The following LHX4 variants were observed in gnomAD, a reference collection of about 807,000 sequenced individuals.
LHX4 encodes the protein LIM/homeobox protein Lhx4.
A neutral mutation model predicts 39.2 loss-of-function variants in LHX4; 16 were observed. The ratio of observed to expected loss-of-function variants is 0.41; its 90% CI spans 0.28 to 0.62. The LOEUF (loss-of-function observed/expected upper bound fraction) is 0.62. Among genes scored for constraint, LHX4 ranks in the 20% least tolerant of loss-of-function variants. The probability of loss-of-function intolerance (pLI) is 0.33; values close to 1 mark genes in which losing one functional copy is unlikely to be tolerated. For missense variants in LHX4, 439 were observed against 511.9 expected (o/e 0.86, Z 1.37); for synonymous variants, 206 against 198.1 (o/e 1.04, Z -0.33).
chr1:180,234,216 TATATA>T lies in LHX4; in HGVS notation c.76+3615_76+3619del, dbSNP rs1664258271. Among the ~76,000 whole-genome samples the T allele has an allele frequency of 1.3e-5, 1 of 74,268 alleles. No individual in the cohort carries two copies. Among genetic ancestry groups the T allele is most frequent in the Non-Finnish European group, 2.5e-5 (1 of 40,750 alleles). The allele number at this position is 74,268 out of a possible 152,430, so 48.7% of individuals were successfully genotyped here. A position where few individuals can be genotyped will look rare whatever the true frequency, so the allele number is the denominator to read the frequency against. ...ATATATATATATATATATATATATATATATAATAGATTGAGATTCTATCATATTCC... is the reference window on the plus strand; with the variant it reads ...ATATATATATATATATATATATATATATAGATTGAGATTCTATCATATTCC... On this transcript the variant is annotated intron_variant, in intron 1 of 5. Transcript: ENST00000263726. This position sits in a 1 kb window ranked among gnomAD's most constrained non-coding sequence, Gnocchi z 4.8.
At chr1:180,251,106 C>T (rs1235568185) in intron 2 of LHX4, among the ~76,000 whole-genome samples, 1 of 152,244 alleles carries the variant, frequency 6.6e-6, no homozygotes, top group Non-Finnish European at 1.5e-5. Flanking sequence ...GCCTTCCCGC[C>T]AGGTGAGCCT....
At position 180,248,262 on chromosome 1, in the gene LHX4, CCTCT is replaced by C; in HGVS notation, c.77-17_77-14del. Reference sequence around the variant, plus strand: ...AGGGCTGTGTGGAAGGCTCACAGTGCCTCTCTCTCCTCTTCCTCACAGAGATTCC... The same window carrying C: ...AGGGCTGTGTGGAAGGCTCACAGTGCCTCTCCTCTTCCTCACAGAGATTCC... On this transcript the variant is annotated intron_variant, in intron 1 of 5. Coordinates refer to ENST00000263726, the MANE Select transcript of LHX4 (RefSeq NM_033343.4). The C allele has an allele frequency of 1.2e-6, 2 of 1,612,506 alleles. No homozygotes were observed. Among genetic ancestry groups the C allele is most frequent in the East Asian group, 2.2e-5 (1 of 44,864 alleles).
Position 180,277,166 on chromosome 1 carries a change from T to C in LHX4, c.*2587T>C, listed in dbSNP as rs1558229787. 1 of 152,144 alleles carries C rather than the reference T, an allele frequency of 6.6e-6. No homozygotes were observed. Among genetic ancestry groups the C allele is most frequent in the East Asian group, 1.9e-4 (1 of 5,190 alleles). 9.4% of individuals were successfully genotyped at this position (152,144 alleles called of 1,614,324 possible). ...AAGCACAGCCACAGTAGGTCTAAGATTTTAAATGGATCTCCCTACAGGTTG... is the reference window on the plus strand; with the variant it reads ...AAGCACAGCCACAGTAGGTCTAAGACTTTAAATGGATCTCCCTACAGGTTG... On this transcript the variant is annotated 3_prime_UTR_variant, in exon 6 of 6. Transcript: ENST00000263726.
chr1:180,268,798 C>A (rs962795309), intron 3 of LHX4, among the ~76,000 whole-genome samples: 2 of 152,196 alleles, frequency 1.3e-5, no homozygotes, highest in African/African-American at 4.8e-5. Flanking sequence ...CAAGGCAGGG[C>A]TCCTCTGTCC....
At chr1:180,256,940 C>T (rs1322030786) in intron 2 of LHX4, among the ~76,000 whole-genome samples, 1 of 152,242 alleles carries the variant, frequency 6.6e-6, no homozygotes, top group Non-Finnish European at 1.5e-5. Context: ...ATACTAATCC[C>T]TCCCTACAAG....
intron 2 of LHX4, among the ~76,000 whole-genome samples, chr1:180,256,668 C>T (rs1003598378): frequency 6.6e-6 from 1 of 152,220 alleles, no homozygotes; most frequent in Admixed American, 6.5e-5. Flanking sequence ...CACCGCTGCA[C>T]TGGGCCATCC....
At chr1:180,229,399 C>T (rs902587023), upstream of LHX4, among the ~76,000 whole-genome samples, 3 of 152,120 alleles carry the variant, frequency 2.0e-5, no homozygotes, top group African/African-American at 7.2e-5. Context: ...ACTCCGGCTG[C>T]AGGCCGCGGT....
intron 3 of LHX4, chr1:180,271,140 CA>C: frequency 1.7e-6 from 1 of 576,520 alleles, no homozygotes; most frequent in South Asian, 1.9e-5. Flanking sequence ...AGGGTTGAGG[CA>C]GGGAGCTGAG....
intron 3 of LHX4, among the ~76,000 whole-genome samples, chr1:180,269,431 G>A (rs992348513): frequency 6.6e-6 from 1 of 152,096 alleles, no homozygotes; most frequent in African/African-American, 2.4e-5. Context: ...ATATAAAAAA[G>A]ATTTTAAATT....
intron 1 of LHX4, among the ~76,000 whole-genome samples, chr1:180,237,551 G>GAAAAT (rs6143501): frequency 0.084 from 12,734 of 152,162 alleles, 724 homozygotes; most frequent in South Asian, 0.17. Context: ...TGGACTTTGG[G>GAAAAT]GTTAACTGTA....
chr1:180,230,095 G>T (rs1664137265), upstream of LHX4, among the ~76,000 whole-genome samples: 1 of 151,910 alleles, frequency 6.6e-6, no homozygotes. The surrounding 1 kb of genome is among the most constrained non-coding windows in gnomAD (Gnocchi z 5.8). Context: ...CGCCGGGTTG[G>T]GGGATGTGCC....
chr1:180,271,708 A>G (rs1054708604), intron 4 of LHX4, 127 bp from the exon 5 acceptor site: 20 of 1,284,636 alleles, frequency 1.6e-5, no homozygotes, highest in Non-Finnish European at 2.3e-5. Context: ...GGTGGGGCGC[A>G]TCGCACTCCC....
At chr1:180,242,036 C>T (rs962555012) in intron 1 of LHX4, among the ~76,000 whole-genome samples, 2 of 151,794 alleles carry the variant, frequency 1.3e-5, no homozygotes, top group African/African-American at 2.4e-5. Context: ...AGGCTGATCT[C>T]CCAGTATTTT....
intron 2 of LHX4, 162 bp downstream of exon 2, chr1:180,248,618 CCTTCTGA>C (rs1404740295): frequency 2.7e-6 from 2 of 748,152 alleles, no homozygotes; most frequent in Admixed American, 4.0e-5. Flanking sequence ...TTGAGGTCCC[CCTTCTGA>C]TCACTGGCCC....
chr1:180,274,122 G>A, intron 5 of LHX4, 63 bp from the exon 6 acceptor site: 1 of 1,599,822 alleles, frequency 6.3e-7, no homozygotes, highest in South Asian at 1.1e-5. Flanking sequence ...CCTAGGTTGT[G>A]AAGAGCAGGG....
intron 2 of LHX4, among the ~76,000 whole-genome samples, chr1:180,255,634 C>T (rs543475312): frequency 2.5e-4 from 38 of 152,326 alleles, no homozygotes; most frequent in Middle Eastern, 3.4e-3. Context: ...TCATTTGTGC[C>T]GGCCTGTAAT....
chr1:180,252,983 C>CT (rs5779055), intron 2 of LHX4, among the ~76,000 whole-genome samples: 1 of 151,856 alleles, frequency 6.6e-6, no homozygotes, highest in East Asian at 1.9e-4. Context: ...CTTGGCTCTC[C>CT]TTTTTTCCAA....
intron 2 of LHX4, among the ~76,000 whole-genome samples, chr1:180,261,994 A>G (rs1648130423): frequency 6.6e-6 from 1 of 152,236 alleles, no homozygotes; most frequent in Admixed American, 6.5e-5. Context: ...GTGTTTCCAG[A>G]TGGTTCCTCT....
intron 2 of LHX4, among the ~76,000 whole-genome samples, chr1:180,250,095 A>G (rs374606457): frequency 6.6e-6 from 1 of 152,018 alleles, no homozygotes; most frequent in South Asian, 2.1e-4. Flanking sequence ...CCTTCCTCTG[A>G]GCTTTTTGTG....
Sources: allele counts gnomAD v4.1 joint callset (sites outside exome capture counted in the v4.1 genomes callset), GRCh38; gene constraint gnomAD v4.1.1; non-coding constraint Gnocchi (gnomAD v3.1); transcripts MANE v1.5; gene names NCBI Gene and HGNC (gene_info 2026-07-23, HGNC 2026-07-21).